The following GAK variants were observed in gnomAD, a reference collection of about 807,000 sequenced individuals.
GAK encodes cyclin-G-associated kinase.
GAK carries 79 observed loss-of-function variants against 143.9 expected under a neutral mutation model. The observed-to-expected ratio is 0.55, with a 90% confidence interval of 0.46 to 0.66. The LOEUF (loss-of-function observed/expected upper bound fraction) is 0.66. GAK is among the 30% of genes least tolerant of loss of function. The probability of loss-of-function intolerance (pLI) is 0.00; values close to 1 mark genes in which losing one functional copy is unlikely to be tolerated. For synonymous variants in GAK, 881 were observed against 765.5 expected, an observed-to-expected ratio of 1.15 and a Z score of -2.49; for missense variants, 1,693 against 1,779.7, an observed-to-expected ratio of 0.95 and a Z score of 0.88.
At chr4:856,529 C>T (rs1048103463) in intron 24 of GAK, among the ~76,000 whole-genome samples, 1 of 147,720 alleles carries the variant, frequency 6.8e-6, no homozygotes, top group African/African-American at 2.5e-5. Flanking sequence ...ACCTGCTCAC[C>T]ACCACAGCTG....
In GAK at chr4:849,892, C is replaced by T. The variant is rs1003103082; in HGVS notation, c.3834G>A (p.Lys1278=). 1.9e-6 allele frequency: 3 copies of T among 1,595,972 alleles called. No homozygotes were observed. Among genetic ancestry groups the T allele is most frequent in the Non-Finnish European group, 2.6e-6 (3 of 1,168,636 alleles). Residue 1278 remains lysine, a splice_region_variant and synonymous_variant, in exon 27 of 28, where the codon AAG becomes AAA. Coordinates refer to ENST00000314167, the MANE Select transcript of GAK (RefSeq NM_005255.4). ...GCGGCCGCCTGGCAGCTCTGCTCAC[C>T]TTGTCGGGGTGCACAGCCAGCACCG... ...RRAVLAVHPD[K]AAGQPYEQHA... is the part of the protein sequence containing the mutation.
chr4:903,800 G>A (rs528369097), intron 5 of GAK, among the ~76,000 whole-genome samples: 5 of 152,130 alleles, frequency 3.3e-5, no homozygotes, highest in East Asian at 1.9e-4. Context: ...AGCTCCCCAC[G>A]GAAACTGGAG....
chr4:914,878 A>AGGTC (rs1722829554), intron 1 of GAK, among the ~76,000 whole-genome samples: 1 of 102,794 alleles, frequency 9.7e-6, no homozygotes, highest in Non-Finnish European at 1.9e-5. Context: ...ACACACACAC[A>AGGTC]CAGCCCCAGC....
At chr4:906,103 G>A (rs1387522911) in intron 4 of GAK, among the ~76,000 whole-genome samples, 1 of 152,202 alleles carries the variant, frequency 6.6e-6, no homozygotes, top group Non-Finnish European at 1.5e-5. Flanking sequence ...CCGTTAACAT[G>A]AGAACTACAT....
intron 23 of GAK, among the ~76,000 whole-genome samples, 164 bp downstream of exon 23, chr4:864,958 G>A (rs1750893606): frequency 6.6e-6 from 1 of 152,246 alleles, no homozygotes; most frequent in African/African-American, 2.4e-5. Context: ...GGCCGCTGCA[G>A]TCATACCACA....
At chr4:871,150 C>T (rs972302601) in intron 18 of GAK, among the ~76,000 whole-genome samples, 1 of 152,258 alleles carries the variant, frequency 6.6e-6, no homozygotes, top group East Asian at 1.9e-4. Context: ...TCATTTCACT[C>T]GCTCCTCGGA....
At chr4:896,639 C>T in intron 6 of GAK, 90 bp from the exon 7 acceptor site, 1 of 996,176 alleles carries the variant, frequency 1.0e-6, no homozygotes, top group South Asian at 1.4e-5. Context: ...TTTCCAAATG[C>T]ACAGCAGACT....
At chr4:854,524 C>G (rs1200533402) in intron 24 of GAK, among the ~76,000 whole-genome samples, 2 of 152,184 alleles carry the variant, frequency 1.3e-5, no homozygotes, top group African/African-American at 4.8e-5. Flanking sequence ...TTCTGTAGAA[C>G]GAGGGCTTAG....
chr4:865,808 C>A (rs1156880675), intron 22 of GAK, among the ~76,000 whole-genome samples: 1 of 152,250 alleles, frequency 6.6e-6, no homozygotes, highest in African/African-American at 2.4e-5. Flanking sequence ...GGAGAGAGAA[C>A]CCAGGCTCCT....
At chr4:922,159 C>T (rs1724014595) in intron 1 of GAK, among the ~76,000 whole-genome samples, 1 of 152,080 alleles carries the variant, frequency 6.6e-6, no homozygotes, top group Non-Finnish European at 1.5e-5. Context: ...GGCCCTAATC[C>T]AATAGGACTG....
chr4:867,109 T>C lies in GAK; in HGVS notation c.2719A>G (p.Asn907Asp). The change falls in exon 21 of 28, where the codon AAC becomes GAC. Residue 907 changes from asparagine to aspartate, a missense_variant. Coordinates refer to ENST00000314167, the MANE Select transcript of GAK (RefSeq NM_005255.4). ...PPQACKAPSSNTDLLSCLLGP... is the reference protein window; with the variant it reads ...PPQACKAPSSDTDLLSCLLGP... ...AGGAGGCAGCTGAGCAGGTCGGTGT[T>C]GCTGGAGGGGGCCTTGCAGGCCTGC... The C allele has an allele frequency of 6.3e-7, 1 of 1,575,140 alleles. No individual in the cohort carries two copies. The highest frequency in any genetic ancestry group is 8.6e-7 in the Non-Finnish European group (1 of 1,157,602).
intron 4 of GAK, among the ~76,000 whole-genome samples, chr4:908,291 G>A (rs1427188073): frequency 2.0e-5 from 3 of 152,168 alleles, no homozygotes; most frequent in Non-Finnish European, 4.4e-5. Flanking sequence ...AAGCCCGCAG[G>A]CCTCAAACAG....
intron 5 of GAK, among the ~76,000 whole-genome samples, chr4:902,745 G>C (rs953193124): frequency 3.9e-5 from 6 of 152,076 alleles, no homozygotes; most frequent in Admixed American, 6.6e-5. Flanking sequence ...CACAACAGCA[G>C]GAGTGAAAAC....
intron 11 of GAK, chr4:888,602 G>T: frequency 2.0e-6 from 1 of 512,548 alleles, no homozygotes; most frequent in South Asian, 2.5e-5. Context: ...GGAGGGGAGG[G>T]CCCAGGCATC....
chr4:909,866 CCA>C (rs1553892893), intron 4 of GAK, among the ~76,000 whole-genome samples: 1 of 152,220 alleles, frequency 6.6e-6, no homozygotes, highest in Non-Finnish European at 1.5e-5. Context: ...CGGCACATCC[CCA>C]CAGTGTCAGA....
intron 7 of GAK, among the ~76,000 whole-genome samples, chr4:895,680 C>T (rs1050437395): frequency 6.6e-6 from 1 of 152,230 alleles, no homozygotes; most frequent in Non-Finnish European, 1.5e-5. Flanking sequence ...AAAAGAACCA[C>T]AAGGCAGGAC....
intron 4 of GAK, among the ~76,000 whole-genome samples, chr4:908,488 C>T (rs1721477862): frequency 6.6e-6 from 1 of 152,212 alleles, no homozygotes; most frequent in Non-Finnish European, 1.5e-5. Context: ...CACAGCAAGA[C>T]ACCATCTCTA....
intron 7 of GAK, among the ~76,000 whole-genome samples, chr4:894,987 A>AAATT (rs1159495807): frequency 0.015 from 1,343 of 86,830 alleles, 21 homozygotes; most frequent in African/African-American, 0.046. Context: ...TCAAATAAAT[A>AAATT]AATAAATAAA....
chr4:849,834 A>AC (rs33919242), intron 27 of GAK, 58 bp downstream of exon 27: 185,718 of 856,052 alleles, frequency 0.22, 5,318 homozygotes, highest in African/African-American at 0.24. Context: ...GCGGGGCAGG[A>AC]CCCCCCCCCC....
Sources: allele counts gnomAD v4.1 joint callset (sites outside exome capture counted in the v4.1 genomes callset), GRCh38; gene constraint gnomAD v4.1.1; transcripts MANE v1.5; gene names NCBI Gene and HGNC (gene_info 2026-07-23, HGNC 2026-07-21).